Variants in SHC4 observed in about 807,000 individuals in gnomAD.
SHC4 encodes SHC-transforming protein 4.
SHC4 carries 41 observed loss-of-function variants against 69.4 expected under a neutral mutation model. That is an observed-to-expected ratio of 0.59 (90% CI 0.46 to 0.77). The LOEUF (loss-of-function observed/expected upper bound fraction) is 0.77, where lower values mean the gene tolerates loss of function less well. SHC4 is among the 30% of genes least tolerant of loss of function. The pLI is 0.00. For synonymous variants in SHC4, 318 were observed against 299.3 expected, an observed-to-expected ratio of 1.06 and a Z score of -0.64; for missense variants, 777 against 783.8, an observed-to-expected ratio of 0.99 and a Z score of 0.10.
chr15:48,962,772 G>A lies in SHC4; in HGVS notation c.244C>T (p.Pro82Ser). ...ATLPSQESPTPLCTLIPRMAS... is the reference protein window; with the variant it reads ...ATLPSQESPTSLCTLIPRMAS... ...ATGCGGGGGATCAAGGTGCACAGTGGGGTGGGGCTCTCCTGCGACGGCAAG... is the reference window on the plus strand; with the variant it reads ...ATGCGGGGGATCAAGGTGCACAGTGAGGTGGGGCTCTCCTGCGACGGCAAG... The change falls in exon 1 of 12, where the codon CCA becomes TCA. Residue 82 changes from proline (P) to serine (S), a missense_variant. Pro to Ser is a moderately conservative substitution (Grantham distance 74). Transcript: ENST00000332408. 6.2e-7 allele frequency: 1 copy of A among 1,612,884 alleles called. No individual in the cohort carries two copies.
At chr15:48,864,311 C>A (rs1353792983) in intron 6 of SHC4, among the ~76,000 whole-genome samples, 1 of 151,714 alleles carries the variant, frequency 6.6e-6, no homozygotes, top group Non-Finnish European at 1.5e-5. Flanking sequence ...TTGACCCAAA[C>A]TCTTCCTTCC....
chr15:48,913,656 AG>A (rs1436633753), intron 2 of SHC4, among the ~76,000 whole-genome samples: 3 of 152,120 alleles, frequency 2.0e-5, no homozygotes, highest in African/African-American at 4.8e-5. Context: ...AAGTTCTACT[AG>A]AGAATTCCTT....
At chr15:48,937,399 G>A (rs568810758) in intron 1 of SHC4, among the ~76,000 whole-genome samples, 2 of 152,214 alleles carry the variant, frequency 1.3e-5, no homozygotes, top group East Asian at 3.9e-4. Flanking sequence ...CTGATTCTCA[G>A]AGGTTCAATG....
intron 4 of SHC4, chr15:48,878,016 C>A: frequency 2.3e-6 from 2 of 883,234 alleles, no homozygotes; most frequent in East Asian, 2.6e-5. Flanking sequence ...CACTGAGCTA[C>A]TCCAACCACA....
chr15:48,892,528 C>T (rs1362415924), intron 2 of SHC4, among the ~76,000 whole-genome samples: 1 of 152,116 alleles, frequency 6.6e-6, no homozygotes, highest in Non-Finnish European at 1.5e-5. Flanking sequence ...TTTGAGTCAT[C>T]TTAATGACTA....
intron 9 of SHC4, among the ~76,000 whole-genome samples, chr15:48,848,110 G>A (rs1038270630): frequency 6.6e-6 from 1 of 152,034 alleles, no homozygotes; most frequent in Non-Finnish European, 1.5e-5. Context: ...AGGTGCCTAG[G>A]GATGAAAGGA....
intron 1 of SHC4, among the ~76,000 whole-genome samples, chr15:48,944,119 A>C (rs1009563982): frequency 6.6e-6 from 1 of 152,154 alleles, no homozygotes; most frequent in Non-Finnish European, 1.5e-5. Flanking sequence ...AAGCCTACAA[A>C]CTTTCAAGTG....
chr15:48,915,922 C>T (rs987026266), intron 2 of SHC4, among the ~76,000 whole-genome samples: 1 of 152,112 alleles, frequency 6.6e-6, no homozygotes, highest in African/African-American at 2.4e-5. Context: ...TTATCCCCCT[C>T]TCTGGTGATC....
intron 2 of SHC4, among the ~76,000 whole-genome samples, chr15:48,922,483 G>T (rs1955589724): frequency 6.6e-6 from 1 of 152,188 alleles, no homozygotes; most frequent in African/African-American, 2.4e-5. Context: ...GATCTGGTGT[G>T]TGATGAAGGC....
At chr15:48,882,228 G>A (rs1899959436) in intron 4 of SHC4, among the ~76,000 whole-genome samples, 1 of 152,018 alleles carries the variant, frequency 6.6e-6, no homozygotes, top group African/African-American at 2.4e-5. Context: ...CCTCTACAGT[G>A]GCACATCTCT....
chr15:48,882,243 C>G (rs1006078443), intron 4 of SHC4, among the ~76,000 whole-genome samples: 2 of 152,076 alleles, frequency 1.3e-5, no homozygotes, highest in African/African-American at 4.8e-5. Context: ...ATCTCTCCCC[C>G]ATATCCCCCA....
At chr15:48,868,555 G>GT (rs1227123237) in intron 5 of SHC4, among the ~76,000 whole-genome samples, 1 of 152,228 alleles carries the variant, frequency 6.6e-6, no homozygotes, top group Non-Finnish European at 1.5e-5. Flanking sequence ...ATTGAAAACA[G>GT]TAAGCTGATG....
chr15:48,853,009 A>C (rs950099148), intron 8 of SHC4, among the ~76,000 whole-genome samples: 1 of 151,564 alleles, frequency 6.6e-6, no homozygotes, highest in African/African-American at 2.4e-5. Context: ...CAAGAGAAAG[A>C]GATTAAAAAA....
rs975221864 is a variant in SHC4, at chr15:48,825,270, C to G, written c.*701G>C. On this transcript the variant is annotated 3_prime_UTR_variant, in exon 12 of 12. Transcript: ENST00000332408. Reference sequence around the variant, plus strand: ...CAGCTTGTCACATGCTGTATTTAGACAGTCTGAATAGCAAACACTGAGAAA... The same window carrying G: ...CAGCTTGTCACATGCTGTATTTAGAGAGTCTGAATAGCAAACACTGAGAAA... 6.6e-6 allele frequency: 1 copy of G among 152,004 alleles called. No homozygotes were observed. The highest frequency in any genetic ancestry group is 1.5e-5 in the Non-Finnish European group (1 of 68,024). 9.4% of individuals were successfully genotyped at this position (152,004 alleles called of 1,614,324 possible).
chr15:48,921,613 G>A (rs558077446), intron 2 of SHC4, among the ~76,000 whole-genome samples: 8 of 152,286 alleles, frequency 5.3e-5, no homozygotes, highest in African/African-American at 1.4e-4. Context: ...GATTACAGGC[G>A]TGAGCCACCA....
chr15:48,826,441 G>A (rs532980553), intron 11 of SHC4, among the ~76,000 whole-genome samples: 45 of 151,934 alleles, frequency 3.0e-4, no homozygotes, highest in African/African-American at 1.0e-3. Context: ...TAGAGATGGC[G>A]TTTCACCGTG....
intron 1 of SHC4, among the ~76,000 whole-genome samples, chr15:48,927,743 G>A (rs188170003): frequency 6.4e-4 from 97 of 152,102 alleles, no homozygotes; most frequent in African/African-American, 2.3e-3. Flanking sequence ...TGTCCGCCTG[G>A]CTCTCCTACA....
At chr15:48,894,993 C>T (rs995992754) in intron 2 of SHC4, among the ~76,000 whole-genome samples, 3 of 151,978 alleles carry the variant, frequency 2.0e-5, no homozygotes, top group African/African-American at 7.2e-5. Context: ...TTTGTAGAGA[C>T]AGGGTCTCCC....
chr15:48,880,627 T>G (rs1200304382), intron 4 of SHC4, among the ~76,000 whole-genome samples: 2 of 152,150 alleles, frequency 1.3e-5, no homozygotes, highest in Non-Finnish European at 2.9e-5. Context: ...TGGGAAACAC[T>G]ATTCCATCTG....
Sources: allele counts gnomAD v4.1 joint callset (sites outside exome capture counted in the v4.1 genomes callset), GRCh38; gene constraint gnomAD v4.1.1; transcripts MANE v1.5; gene names NCBI Gene and HGNC (gene_info 2026-07-23, HGNC 2026-07-21).